SDK1: variants seen among roughly 807,000 people sequenced by gnomAD.
The protein encoded by SDK1 is protein sidekick-1.
SDK1 carries 157 observed loss-of-function variants against 245.5 expected under a neutral mutation model. The observed-to-expected ratio is 0.64, with a 90% confidence interval of 0.56 to 0.73. SDK1 has a LOEUF of 0.73. Ranked by LOEUF, SDK1 falls within the 30% of genes least tolerant of loss-of-function variation. The probability of loss-of-function intolerance (pLI) is 0.00; values close to 1 mark genes in which losing one functional copy is unlikely to be tolerated. For missense variants in SDK1, 3,583 were observed against 3,002.3 expected (o/e 1.19, Z -4.52); for synonymous variants, 1,647 against 1,278.5 (o/e 1.29, Z -6.15).
At chr7:3,441,349 T>C (rs947487070) in intron 1 of SDK1, among the ~76,000 whole-genome samples, 2 of 152,128 alleles carry the variant, frequency 1.3e-5, no homozygotes, top group East Asian at 3.9e-4. Flanking sequence ...AGGAGGACTC[T>C]TGTACATCAT....
chr7:3,852,096 A>C (rs1049116879), intron 5 of SDK1, among the ~76,000 whole-genome samples: 2 of 151,860 alleles, frequency 1.3e-5, no homozygotes, highest in African/African-American at 2.4e-5. Flanking sequence ...CTTTGTTGAC[A>C]GTCAAATTAG....
chr7:3,803,631 T>G (rs1227970057), intron 4 of SDK1, among the ~76,000 whole-genome samples: 1 of 152,062 alleles, frequency 6.6e-6, no homozygotes, highest in Non-Finnish European at 1.5e-5. Flanking sequence ...ATTTTCTAAT[T>G]GGATTTTTTT....
At chr7:3,623,542 CA>C (rs1193373069) in intron 2 of SDK1, among the ~76,000 whole-genome samples, 3 of 151,962 alleles carry the variant, frequency 2.0e-5, no homozygotes, top group African/African-American at 7.3e-5. Flanking sequence ...CACCCGGCCT[CA>C]AATGTTACAT....
At chr7:3,357,605 C>T (rs925016082) in intron 1 of SDK1, among the ~76,000 whole-genome samples, 1 of 151,910 alleles carries the variant, frequency 6.6e-6, no homozygotes, top group Non-Finnish European at 1.5e-5. Context: ...CCCTTGGCCT[C>T]CCGAAGTGCT....
At chr7:3,718,322 G>T (rs1785262381) in intron 4 of SDK1, among the ~76,000 whole-genome samples, 2 of 151,652 alleles carry the variant, frequency 1.3e-5, no homozygotes, top group Admixed American at 6.6e-5. Context: ...GTGACATGGT[G>T]AAACCCTGTC....
chr7:3,674,879 A>G (rs896630629), intron 4 of SDK1, among the ~76,000 whole-genome samples: 1 of 152,164 alleles, frequency 6.6e-6, no homozygotes, highest in African/African-American at 2.4e-5. Context: ...GGTAGACTCA[A>G]GCCAATCATT....
At chr7:3,444,579 C>G (rs535463283) in intron 1 of SDK1, among the ~76,000 whole-genome samples, 1 of 152,308 alleles carries the variant, frequency 6.6e-6, no homozygotes, top group Non-Finnish European at 1.5e-5. Flanking sequence ...CCACCCAGAA[C>G]TGGACACACT....
chr7:3,308,201 A>T (rs1197259984), intron 1 of SDK1, among the ~76,000 whole-genome samples: 2 of 152,180 alleles, frequency 1.3e-5, no homozygotes, highest in African/African-American at 4.8e-5. Flanking sequence ...TGAGATGCTT[A>T]TTTATATACA....
intron 2 of SDK1, among the ~76,000 whole-genome samples, chr7:3,635,290 A>T (rs1488826170): frequency 6.6e-6 from 1 of 152,182 alleles, no homozygotes; most frequent in East Asian, 1.9e-4. Flanking sequence ...TTTATAAAAG[A>T]TTTTATTAAT....
intron 5 of SDK1, among the ~76,000 whole-genome samples, chr7:3,826,446 G>A (rs1180467952): frequency 6.6e-6 from 1 of 152,182 alleles, no homozygotes; most frequent in African/African-American, 2.4e-5. Context: ...GTTTCTTCTT[G>A]GCGACGTGGC....
intron 1 of SDK1, among the ~76,000 whole-genome samples, chr7:3,353,108 ATTCTAT>A (rs1326825895): frequency 2.0e-5 from 3 of 152,136 alleles, no homozygotes; most frequent in Non-Finnish European, 2.9e-5. Flanking sequence ...CCCTGCAGCA[ATTCTAT>A]TTCTATTTTG....
At chr7:3,990,031 A>G (rs1784176445) in intron 14 of SDK1, among the ~76,000 whole-genome samples, 1 of 152,256 alleles carries the variant, frequency 6.6e-6, no homozygotes, top group Non-Finnish European at 1.5e-5. Flanking sequence ...CTTCGGAAGC[A>G]GAGTGTGCTG....
intron 4 of SDK1, among the ~76,000 whole-genome samples, chr7:3,684,655 T>A (rs1784221481): frequency 6.6e-6 from 1 of 152,100 alleles, no homozygotes; most frequent in African/African-American, 2.4e-5. Flanking sequence ...AATTATCAGA[T>A]GCTAAATCAG....
At chr7:3,576,220 C>G (rs1022262705) in intron 1 of SDK1, among the ~76,000 whole-genome samples, 1 of 152,140 alleles carries the variant, frequency 6.6e-6, no homozygotes, top group African/African-American at 2.4e-5. Context: ...CTGTGCCATT[C>G]AGACTTCTCT....
At chr7:3,928,130 T>C (rs1194425162) in intron 5 of SDK1, among the ~76,000 whole-genome samples, 1 of 152,212 alleles carries the variant, frequency 6.6e-6, no homozygotes, top group Non-Finnish European at 1.5e-5. Context: ...ATTAATGATA[T>C]AACTTCAAAA....
chr7:3,639,268 C>A (rs181172085), intron 3 of SDK1, among the ~76,000 whole-genome samples, 158 bp downstream of exon 3: 1 of 152,238 alleles, frequency 6.6e-6, no homozygotes, highest in African/African-American at 2.4e-5. Context: ...AAGTAAGCAG[C>A]CAGCGTGGCT....
Position 3,639,032 on chromosome 7 carries a change from G to A in SDK1, c.487G>A (p.Asp163Asn), listed in dbSNP as rs138161904. 64 of 1,603,968 alleles carry A rather than the reference G, an allele frequency of 4.0e-5. No individual in the cohort carries two copies. Among genetic ancestry groups the A allele is most frequent in the African/African-American group, 2.9e-4 (22 of 74,810 alleles). ...KYIIPSLQKL[D>N]AGFYRCVVRN... ...CATTATTCCATCTTTGCAGAAGCTC[G>A]ATGCTGGGTTTTACCGCTGCGTGGT... The change falls in exon 3 of 45, where the codon GAT becomes AAT. Residue 163 changes from aspartate (D) to asparagine (N), a missense_variant. Coordinates refer to ENST00000404826, the MANE Select transcript of SDK1 (RefSeq NM_152744.4).
At chr7:4,092,077 A>G (rs1429848895) in intron 22 of SDK1, among the ~76,000 whole-genome samples, 5 of 152,198 alleles carry the variant, frequency 3.3e-5, no homozygotes, top group African/African-American at 1.2e-4. Context: ...TCCCAGCTCC[A>G]TCACTTTCTA....
chr7:3,505,383 C>T (rs1026428459), intron 1 of SDK1, among the ~76,000 whole-genome samples: 1 of 152,056 alleles, frequency 6.6e-6, no homozygotes, highest in Non-Finnish European at 1.5e-5. Context: ...TCCCAAGTAG[C>T]TAGGACTACA....
Sources: allele counts gnomAD v4.1 joint callset (sites outside exome capture counted in the v4.1 genomes callset), GRCh38; gene constraint gnomAD v4.1.1; transcripts MANE v1.5; gene names NCBI Gene and HGNC (gene_info 2026-07-23, HGNC 2026-07-21).